The following ATXN2 variants were observed in gnomAD, a reference collection of about 807,000 sequenced individuals.
ATXN2 encodes ataxin-2.
ATXN2 carries 37 observed loss-of-function variants against 138.6 expected under a neutral mutation model. The observed-to-expected ratio is 0.27, with a 90% CI of 0.21 to 0.35. The LOEUF (loss-of-function observed/expected upper bound fraction) is 0.35, where lower values mean the gene tolerates loss of function less well. ATXN2 is among the 10% of genes least tolerant of loss of function. ATXN2 has a pLI of 1.00. For missense variants in ATXN2, 1,216 were observed against 1,480.3 expected, an observed-to-expected ratio of 0.82 and a Z score of 2.93; for synonymous variants, 549 against 543.7, an observed-to-expected ratio of 1.01 and a Z score of -0.13.
chr12:111,464,238 G>A (rs951474240), intron 21 of ATXN2, among the ~76,000 whole-genome samples: 4 of 146,756 alleles, frequency 2.7e-5, no homozygotes, highest in African/African-American at 1.0e-4. Flanking sequence ...TACCAAGCTT[G>A]TGGCTTGGGG....
intron 24 of ATXN2, 45 bp from the exon 25 acceptor site, chr12:111,452,885 C>A: frequency 1.3e-6 from 2 of 1,600,004 alleles, no homozygotes; most frequent in Non-Finnish European, 1.7e-6. Flanking sequence ...CTGGCAACAC[C>A]ACACATCAGC....
At chr12:111,496,235 T>C (rs1878414123) in intron 14 of ATXN2, among the ~76,000 whole-genome samples, 1 of 151,238 alleles carries the variant, frequency 6.6e-6, no homozygotes, top group Non-Finnish European at 1.5e-5. Flanking sequence ...CTGATCACAA[T>C]AAGATAACAC....
Position 111,598,164 on chromosome 12 carries a change from G to T in ATXN2, c.251+620C>A, listed in dbSNP as rs945469794. The T allele has an allele frequency of 1.0e-5, 11 of 1,092,030 alleles. No homozygotes were observed. The African/African-American group carries it at 1.6e-4, about 16-fold the overall frequency. 67.6% of individuals were successfully genotyped at this position (1,092,030 alleles called of 1,614,324 possible). A position where few individuals can be genotyped will look rare whatever the true frequency, so the allele number is the denominator to read the frequency against. ...GACACGAACGCAGAGGGGTGCGGGG[G>T]CCAAGGCCCACTTGTCTCCACCCCG... On this transcript the variant is annotated intron_variant, in intron 1 of 24. Transcript: ENST00000673436. The surrounding 1 kb of genome is among the most constrained non-coding windows in gnomAD (Gnocchi z 4.5).
rs144235483 is a variant in ATXN2, at chr12:111,554,227, TA to T, written c.289-11del. On this transcript the variant is annotated splice_polypyrimidine_tract_variant and intron_variant, in intron 2 of 24. Transcript: ENST00000673436. ...TTCCATCAAAAGAAATCTGGAATAT[TA>T]AAAAAAAAAAAAACTATTAGAAATT... 0.1 allele frequency: 109,443 copies of T among 1,056,636 alleles called. 85 individuals are homozygous for T. The highest frequency in any genetic ancestry group is 0.11 in the Non-Finnish European group (83,505 of 786,144). The allele number at this position is 1,056,636 out of a possible 1,614,324, so 65.5% of individuals were successfully genotyped here. A position where few individuals can be genotyped will look rare whatever the true frequency, so the allele number is the denominator to read the frequency against.
intron 14 of ATXN2, among the ~76,000 whole-genome samples, chr12:111,501,928 G>A (rs1026578366): frequency 1.3e-5 from 2 of 150,136 alleles, no homozygotes; most frequent in Non-Finnish European, 2.9e-5. Context: ...GTCTGACTCC[G>A]TTGCCCAGAC....
intron 1 of ATXN2, among the ~76,000 whole-genome samples, chr12:111,578,427 A>G (rs564621190): frequency 2.6e-5 from 4 of 152,246 alleles, no homozygotes; most frequent in South Asian, 4.1e-4. Context: ...CTATGTTTAG[A>G]TATGTTTAGA....
intron 10 of ATXN2, among the ~76,000 whole-genome samples, chr12:111,514,981 A>C (rs1879772439): frequency 6.6e-6 from 1 of 152,224 alleles, no homozygotes; most frequent in Non-Finnish European, 1.5e-5. Context: ...TGTTTTATTT[A>C]ATATATTCTC....
Position 111,510,486 on chromosome 12 carries a change from G to T in ATXN2, c.1655C>A (p.Ala552Asp), listed in dbSNP as rs1230940816. The change falls in exon 12 of 25, where the codon GCT (alanine) becomes GAT (aspartate). Residue 552 changes from alanine (A) to aspartate (D), a missense_variant. Transcript: ENST00000673436. Reference protein sequence around the residue: ...PSGPVLASPQAGIIPTEAVAM... With the variant: ...PSGPVLASPQDGIIPTEAVAM... ...AACAGCTTCAGTTGGAATAATACCA[G>T]CTTGGGGAGAAGCAAGAACTGGCCC... 1 of 1,614,120 alleles carries T rather than the reference G, an allele frequency of 6.2e-7. No homozygotes were observed. The highest frequency in any genetic ancestry group is 1.1e-5 in the South Asian group (1 of 91,074).
At chr12:111,578,154 G>A (rs1004405807) in intron 1 of ATXN2, among the ~76,000 whole-genome samples, 1 of 152,096 alleles carries the variant, frequency 6.6e-6, no homozygotes, top group African/African-American at 2.4e-5. Flanking sequence ...CCAACATCAC[G>A]CCACTACACT....
Position 111,510,470 on chromosome 12 carries a change from A to G in ATXN2, c.1671T>C (p.Thr557=), listed in dbSNP as rs755969276. The change falls in exon 12 of 25, where the codon ACT becomes ACC. Residue 557 remains threonine, a synonymous_variant. Coordinates refer to ENST00000673436, the MANE Select transcript of ATXN2 (RefSeq NM_001372574.1). ...LASPQAGIIP[T]EAVAMPIPAA... is the part of the protein sequence containing the mutation. ...CTGGAATAGGCATGGCAACAGCTTC[A>G]GTTGGAATAATACCAGCTTGGGGAG... 7.4e-6 allele frequency: 12 copies of G among 1,614,060 alleles called. No individual in the cohort carries two copies. The highest frequency in any genetic ancestry group is 9.3e-6 in the Non-Finnish European group (11 of 1,180,034).
chr12:111,599,324 GGA>G, upstream of ATXN2: 1 of 1,175,808 alleles, frequency 8.5e-7, no homozygotes, highest in Non-Finnish European at 1.0e-6. Flanking sequence ...CTGCCGGGAG[GGA>G]GGGGGGCCGG....
intron 23 of ATXN2, chr12:111,455,084 C>T (rs1874972343): frequency 2.8e-6 from 2 of 702,908 alleles, no homozygotes; most frequent in African/African-American, 1.7e-5. Context: ...TGAGTCGCAT[C>T]TCTAGCCCAC....
intron 1 of ATXN2, among the ~76,000 whole-genome samples, chr12:111,582,950 G>A (rs1884092215): frequency 6.8e-6 from 1 of 147,878 alleles, no homozygotes; most frequent in Non-Finnish European, 1.5e-5. Context: ...TTACAGGCAC[G>A]AGCCACCGCG....
In ATXN2 at chr12:111,598,482, C is replaced by G; in HGVS notation, c.251+302G>C. 1 of 985,256 alleles carries G rather than the reference C, an allele frequency of 1.0e-6. No homozygotes were observed. The highest frequency in any genetic ancestry group is 1.2e-6 in the Non-Finnish European group (1 of 829,904). The allele number at this position is 985,256 out of a possible 1,614,324, so 61.0% of individuals were successfully genotyped here. ...GGGGAGCCGGGGCTGACCATCGCCG[C>G]TACCCGAGAACCCCTCCCAACACGC... On this transcript the variant is annotated intron_variant, in intron 1 of 24. Transcript: ENST00000673436. This position sits in a 1 kb window ranked among gnomAD's most constrained non-coding sequence, Gnocchi z 4.5.
At chr12:111,505,144 G>A (rs1046116022) in intron 14 of ATXN2, among the ~76,000 whole-genome samples, 2 of 152,144 alleles carry the variant, frequency 1.3e-5, no homozygotes, top group African/African-American at 4.8e-5. Context: ...AGGAGGCTGA[G>A]GCTGCTGTGA....
intron 5 of ATXN2, among the ~76,000 whole-genome samples, chr12:111,536,984 T>C (rs2080774533): frequency 6.6e-6 from 1 of 151,860 alleles, no homozygotes; most frequent in Non-Finnish European, 1.5e-5. Flanking sequence ...GGTTTCACCA[T>C]GTTGGGCAGG....
At chr12:111,486,595 T>A (rs1016271965) in intron 16 of ATXN2, among the ~76,000 whole-genome samples, 166 bp downstream of exon 16, 1 of 152,110 alleles carries the variant, frequency 6.6e-6, no homozygotes, top group Non-Finnish European at 1.5e-5. Flanking sequence ...CAAAGACCTT[T>A]TTTTAATGTT....
chr12:111,507,436 C>T (rs1879215665), intron 14 of ATXN2, among the ~76,000 whole-genome samples: 1 of 152,084 alleles, frequency 6.6e-6, no homozygotes, highest in Non-Finnish European at 1.5e-5. Flanking sequence ...GGCAGCCACC[C>T]CGTCTGGGAA....
chr12:111,537,120 G>A (rs1406674578), intron 5 of ATXN2, among the ~76,000 whole-genome samples: 1 of 151,988 alleles, frequency 6.6e-6, no homozygotes, highest in Non-Finnish European at 1.5e-5. Context: ...TTCGCAGCAG[G>A]ATTATGTATA....
Sources: gnomAD v4.1 joint callset for allele counts (sites outside exome capture counted in the v4.1 genomes callset) on GRCh38, gnomAD v4.1.1 for gene constraint, Gnocchi (gnomAD v3.1) non-coding constraint, MANE v1.5 for transcripts, NCBI Gene and HGNC (gene_info 2026-07-23, HGNC 2026-07-21) for gene names.